ZNF676: variants seen among roughly 807,000 people sequenced by gnomAD.
ZNF676 encodes zinc finger protein 676.
Under a neutral mutation model 6.0 loss-of-function variants are expected in ZNF676, and 4 were observed. The observed-to-expected ratio is 0.67, with a 90% CI of 0.33 to 1.53. The LOEUF (loss-of-function observed/expected upper bound fraction) is 1.53. ZNF676 is among the 40% of genes most tolerant of loss of function. The probability of loss-of-function intolerance (pLI) is 0.06; values close to 1 mark genes in which losing one functional copy is unlikely to be tolerated. For missense variants in ZNF676, 644 were observed against 679.7 expected (o/e 0.95, Z 0.58); for synonymous variants, 198 against 223.1 (o/e 0.89, Z 1.00).
chr19:22,191,965 C>T (rs1448268183), intron 2 of ZNF676, among the ~76,000 whole-genome samples: 2 of 152,168 alleles, frequency 1.3e-5, no homozygotes, highest in Non-Finnish European at 2.9e-5. Context: ...TAACACAGCA[C>T]TTGAAGTATG....
intron 1 of ZNF676, among the ~76,000 whole-genome samples, chr19:22,202,273 C>G (rs1380717209): frequency 7.0e-6 from 1 of 143,374 alleles, no homozygotes; most frequent in African/African-American, 2.7e-5. Flanking sequence ...TCTGAAGACA[C>G]AAGTCATTGA....
the ZNF676 span, among the ~76,000 whole-genome samples, chr19:22,232,949 T>C: frequency 4.6e-5 from 7 of 152,070 alleles, no homozygotes; most frequent in East Asian, 1.9e-4. Flanking sequence ...TAAAAGTATA[T>C]GGAATCTAAT....
upstream of ZNF676, among the ~76,000 whole-genome samples, chr19:22,219,790 G>A (rs2024229445): frequency 6.6e-6 from 1 of 151,976 alleles, no homozygotes. Context: ...CCAGTAGCTG[G>A]CACCACAGGC....
At chr19:22,192,196 T>C (rs988335051) in intron 2 of ZNF676, among the ~76,000 whole-genome samples, 12 of 151,948 alleles carry the variant, frequency 7.9e-5, no homozygotes, top group Non-Finnish European at 1.6e-4. Context: ...TCTGATAAAA[T>C]AGAAAAAGAA....
chr19:22,255,278 T>A, the ZNF676 span, among the ~76,000 whole-genome samples: 1 of 152,086 alleles, frequency 6.6e-6, no homozygotes, highest in African/African-American at 2.4e-5. Context: ...ATTGGCTGGG[T>A]TCATGTGGGA....
the ZNF676 span, among the ~76,000 whole-genome samples, chr19:22,250,734 CAG>C: frequency 6.7e-6 from 1 of 149,072 alleles, no homozygotes; most frequent in Non-Finnish European, 1.5e-5. Context: ...TTTTTTAAGA[CAG>C]AGTTTCCTTC....
chr19:22,215,559 C>G, intron 1 of ZNF676: 1 of 1,559,000 alleles, frequency 6.4e-7, no homozygotes. Context: ...GCTTGAGTCC[C>G]GCCACAGCCA....
the ZNF676 span, among the ~76,000 whole-genome samples, chr19:22,227,329 T>A: frequency 6.6e-6 from 1 of 152,082 alleles, no homozygotes; most frequent in African/African-American, 2.4e-5. Flanking sequence ...GATGACACAA[T>A]GTACCAGAAT....
chr19:22,193,359 T>G (rs2023932467), intron 1 of ZNF676, among the ~76,000 whole-genome samples: 1 of 152,128 alleles, frequency 6.6e-6, no homozygotes, highest in African/African-American at 2.4e-5. Context: ...TAACCCATGG[T>G]TTCTGCAGGC....
At chr19:22,241,249 C>T in the ZNF676 span, among the ~76,000 whole-genome samples, 7,146 of 151,976 alleles carry the variant, frequency 0.047, 656 homozygotes, top group African/African-American at 0.16. Flanking sequence ...TTAACAATCC[C>T]ACACATGTCC....
chr19:22,233,756 A>G, the ZNF676 span, among the ~76,000 whole-genome samples: 2 of 150,998 alleles, frequency 1.3e-5, no homozygotes, highest in African/African-American at 4.9e-5. Context: ...CTCTGCCACC[A>G]TGACCATTTT....
the ZNF676 span, among the ~76,000 whole-genome samples, chr19:22,238,328 G>A: frequency 6.6e-6 from 1 of 152,178 alleles, no homozygotes; most frequent in Non-Finnish European, 1.5e-5. Context: ...TGGGATTACA[G>A]GTGTGAGCCA....
the ZNF676 span, chr19:22,244,169 G>C: frequency 6.6e-6 from 1 of 151,494 alleles, no homozygotes; most frequent in Non-Finnish European, 1.5e-5. Flanking sequence ...TCAGCCTCTT[G>C]AGTAGCTGGG....
intron 1 of ZNF676, among the ~76,000 whole-genome samples, chr19:22,193,805 G>A (rs1165317482): frequency 1.3e-5 from 2 of 152,066 alleles, no homozygotes; most frequent in Non-Finnish European, 2.9e-5. Flanking sequence ...TTTTACATGA[G>A]CACACTCCTG....
Position 22,191,015 on chromosome 19 carries a change from G to A in ZNF676, c.130+2001C>T, listed in dbSNP as rs183510035. On this transcript the variant is annotated intron_variant, in intron 2 of 2. Transcript: ENST00000397121. Reference sequence around the variant, plus strand: ...GCAAGAAAGTCTGTCAGTCATCCACGACAAAAATGTCTTAATGAGAGAATC... The same window carrying A: ...GCAAGAAAGTCTGTCAGTCATCCACAACAAAAATGTCTTAATGAGAGAATC... 3.3e-5 allele frequency among the ~76,000 whole-genome samples: 5 copies of A among 152,044 alleles called. No homozygotes were observed. The East Asian group carries it at 9.7e-4, about 30-fold the overall frequency.
intron 1 of ZNF676, among the ~76,000 whole-genome samples, chr19:22,202,170 A>G (rs1319068983): frequency 6.6e-6 from 1 of 152,060 alleles, no homozygotes; most frequent in Non-Finnish European, 1.5e-5. Flanking sequence ...GGAGGGAGGG[A>G]GAACTGGATT....
chr19:22,213,115 T>G (rs2024147182), intron 1 of ZNF676, among the ~76,000 whole-genome samples: 1 of 152,174 alleles, frequency 6.6e-6, no homozygotes, highest in Non-Finnish European at 1.5e-5. Flanking sequence ...ACTGAGAGAT[T>G]CAGCCACCCC....
At chr19:22,221,582 C>T in the ZNF676 span, among the ~76,000 whole-genome samples, 821 of 152,164 alleles carry the variant, frequency 5.4e-3, 5 homozygotes, top group African/African-American at 0.019. Flanking sequence ...GAAACCCCAT[C>T]GCTACTAAAA....
At chr19:22,228,465 C>T in the ZNF676 span, among the ~76,000 whole-genome samples, 3 of 152,342 alleles carry the variant, frequency 2.0e-5, no homozygotes, top group Admixed American at 1.3e-4. Context: ...TGCCCTCTCT[C>T]ACCATTCCTA....
Sources: allele counts gnomAD v4.1 joint callset (sites outside exome capture counted in the v4.1 genomes callset), GRCh38; gene constraint gnomAD v4.1.1; transcripts MANE v1.5; gene names NCBI Gene and HGNC (gene_info 2026-07-23, HGNC 2026-07-21).